DMBT1: variants seen among roughly 807,000 people sequenced by gnomAD.
DMBT1 encodes the protein deleted in malignant brain tumors 1.
DMBT1 carries 198 observed loss-of-function variants against 252.9 expected under a neutral mutation model. The ratio of observed to expected loss-of-function variants is 0.78; its 90% confidence interval spans 0.70 to 0.88. The LOEUF is 0.88. Ranked by LOEUF, DMBT1 falls within the 40% of genes least tolerant of loss-of-function variation. The probability of loss-of-function intolerance (pLI) is 0.00; values close to 1 mark genes in which losing one functional copy is unlikely to be tolerated. For missense variants in DMBT1, 2,432 were observed against 2,404.7 expected (o/e 1.01, Z -0.24); for synonymous variants, 990 against 942.7 (o/e 1.05, Z -0.92).
Position 122,621,348 on chromosome 10 carries a change from G to A in DMBT1, c.5576G>A (p.Gly1859Asp). 2 of 1,613,842 alleles carry A rather than the reference G, an allele frequency of 1.2e-6. No individual in the cohort carries two copies. The highest frequency in any genetic ancestry group is 1.7e-5 in the Admixed American group (1 of 60,020). ...PHKGWLTHNCGHHEDAGVICS... is the reference protein window; with the variant it reads ...PHKGWLTHNCDHHEDAGVICS... Reference sequence around the variant, plus strand: ...AAAGGCTGGCTCACCCACAACTGTGGCCATCACGAAGACGCTGGTGTCATC... The same window carrying A: ...AAAGGCTGGCTCACCCACAACTGTGACCATCACGAAGACGCTGGTGTCATC... The change falls in exon 44 of 56, where the codon GGC becomes GAC. Residue 1859 changes from glycine to aspartate, a missense_variant. Physicochemically the swap from Gly to Asp is moderately conservative, Grantham distance 94. This residue lies in a region of DMBT1 where 1,162 missense variants were observed against 1,169.0 expected (regional missense o/e 0.99). Transcript: ENST00000338354.
intron 2 of DMBT1, among the ~76,000 whole-genome samples, chr10:122,566,358 C>G (rs1431509845): frequency 7.4e-6 from 1 of 135,840 alleles, no homozygotes; most frequent in East Asian, 2.1e-4. Flanking sequence ...TGTCACCAGA[C>G]TGGAGTGCAG....
chr10:122,575,525 G>C (rs1397890471), intron 6 of DMBT1, among the ~76,000 whole-genome samples: 2 of 152,002 alleles, frequency 1.3e-5, no homozygotes, highest in African/African-American at 4.8e-5. Flanking sequence ...GTTTTTTTTG[G>C]GGGGGTGTGG....
Position 122,618,206 on chromosome 10 carries a change from G to T in DMBT1, c.5081G>T (p.Gly1694Val), listed in dbSNP as rs377104506. 56 of 1,613,740 alleles carry T rather than the reference G, an allele frequency of 3.5e-5. No individual in the cohort carries two copies. Among genetic ancestry groups the T allele is most frequent in the Non-Finnish European group, 4.4e-5 (52 of 1,179,824 alleles). Residue 1694 changes from glycine to valine, a missense_variant, in exon 41 of 56, where the codon GGC becomes GTC. Gly to Val is a moderately radical substitution (Grantham distance 109, BLOSUM62 -3). Coordinates refer to ENST00000338354, the MANE Select transcript of DMBT1 (RefSeq NM_001377530.1). ...TCAGCCCCAGGAAATGCCCAGTTTG[G>T]CCAGGGCTCAGGACCCATTGTCCTG... Reference protein sequence around the residue: ...AMSAPGNAQFGQGSGPIVLDD... With the variant: ...AMSAPGNAQFVQGSGPIVLDD...
At chr10:122,580,323 G>A (rs188841594) in intron 10 of DMBT1, among the ~76,000 whole-genome samples, 126 of 152,352 alleles carry the variant, frequency 8.3e-4, no homozygotes, top group African/African-American at 2.9e-3. Context: ...ACCCAGTGAG[G>A]AGGTCTGGAA....
intron 42 of DMBT1, among the ~76,000 whole-genome samples, chr10:122,619,678 C>T (rs2098042661): frequency 6.6e-6 from 1 of 152,170 alleles, no homozygotes; most frequent in South Asian, 2.1e-4. Context: ...GAGTGACTGC[C>T]AAAGTCACCT....
intron 1 of DMBT1, among the ~76,000 whole-genome samples, chr10:122,565,598 G>C (rs1169058126): frequency 1.2e-5 from 1 of 81,732 alleles, no homozygotes; most frequent in Non-Finnish European, 2.8e-5. Flanking sequence ...GGTCATCTGA[G>C]TGGCTGTTGT....
At position 122,573,781 on chromosome 10, in the gene DMBT1, G is replaced by GA. The variant is rs1565590059; in HGVS notation, c.283+20dup. Reference sequence around the variant, plus strand: ...GCAGAAGGTAACGTCTACTATGGGGGATCCCTGTAGGCTCATTACCCCCCT... The same window carrying GA: ...GCAGAAGGTAACGTCTACTATGGGGGAATCCCTGTAGGCTCATTACCCCCCT... On this transcript the variant is annotated intron_variant, in intron 6 of 55. Coordinates refer to ENST00000338354, the MANE Select transcript of DMBT1 (RefSeq NM_001377530.1). 1.1e-5 allele frequency: 17 copies of GA among 1,611,790 alleles called. No homozygotes were observed. The highest frequency in any genetic ancestry group is 9.9e-5 in the South Asian group (9 of 91,028).
In DMBT1 at chr10:122,643,408, C is replaced by G. The variant is rs139473568; in HGVS notation, c.*10C>G. 1,399 of 1,607,102 alleles carry G rather than the reference C, an allele frequency of 8.7e-4. 15 individuals are homozygous for G. In the African/African-American group the frequency reaches 0.015, roughly 18 times the overall value. On this transcript the variant is annotated 3_prime_UTR_variant, in exon 56 of 56. Coordinates refer to ENST00000338354, the MANE Select transcript of DMBT1 (RefSeq NM_001377530.1). ...AGAGGAGCCTCGGTAGGTGGTCGCT[C>G]TCAGACCCCACTGTCCACCGGGGCG...
Position 122,626,046 on chromosome 10 carries a change from G to A in DMBT1, c.5668+81G>A. 3 of 1,176,774 alleles carry A rather than the reference G, an allele frequency of 2.5e-6. No individual in the cohort carries two copies. In the South Asian group the frequency reaches 3.6e-5, roughly 14 times the overall value. The allele number at this position is 1,176,774 out of a possible 1,614,324, so 72.9% of individuals were successfully genotyped here. On this transcript the variant is annotated intron_variant, in intron 46 of 55. Coordinates refer to ENST00000338354, the MANE Select transcript of DMBT1 (RefSeq NM_001377530.1). ...TTGGCTATCCATGAGCGAATGCTCT[G>A]CCCCACCCCAGCCTTCCTCAATCTG...
At chr10:122,571,317 A>T (rs1354907718) in intron 4 of DMBT1, among the ~76,000 whole-genome samples, 1 of 152,114 alleles carries the variant, frequency 6.6e-6, no homozygotes, top group East Asian at 1.9e-4. Context: ...CTGCTGATGG[A>T]ATCACCTTGT....
At chr10:122,632,839 G>A (rs1311643689) in intron 50 of DMBT1, 22 bp from the exon 51 acceptor site, 3 of 1,613,058 alleles carry the variant, frequency 1.9e-6, no homozygotes, top group Non-Finnish European at 2.5e-6. Context: ...AACTGATCCT[G>A]ATCTTTTCTT....
chr10:122,622,675 T>C (rs1336399939), intron 44 of DMBT1, among the ~76,000 whole-genome samples: 1 of 152,184 alleles, frequency 6.6e-6, no homozygotes, highest in Non-Finnish European at 1.5e-5. Context: ...ACAGGTGCTT[T>C]CTTCCAAACC....
At chr10:122,568,640 G>A (rs571168260) in intron 2 of DMBT1, among the ~76,000 whole-genome samples, 56 of 152,296 alleles carry the variant, frequency 3.7e-4, no homozygotes, top group Non-Finnish European at 5.3e-4. Flanking sequence ...TGTCAGGGCC[G>A]GGTGGAGGTC....
chr10:122,635,210 A>G (rs1045056206), intron 52 of DMBT1, among the ~76,000 whole-genome samples: 13 of 152,328 alleles, frequency 8.5e-5, no homozygotes, highest in Middle Eastern at 3.4e-3. Flanking sequence ...TTCAGTGTGC[A>G]TGGATCAGAT....
chr10:122,631,228 G>A lies in DMBT1; in HGVS notation c.6293G>A (p.Gly2098Asp). Residue 2098 changes from glycine (G) to aspartate (D), a missense_variant, in exon 49 of 56, where the codon GGC (glycine) becomes GAC (aspartate). Transcript: ENST00000338354. ...ESTLWQCRNR[G>D]WFSHNCNHRE... ...ACTCTCTGGCAGTGCCGGAACCGAGGCTGGTTCTCCCACAACTGTAATCAT... is the reference window on the plus strand; with the variant it reads ...ACTCTCTGGCAGTGCCGGAACCGAGACTGGTTCTCCCACAACTGTAATCAT... 2 of 1,614,010 alleles carry A rather than the reference G, an allele frequency of 1.2e-6. No homozygotes were observed. The highest frequency in any genetic ancestry group is 1.7e-6 in the Non-Finnish European group (2 of 1,179,906).
intron 48 of DMBT1, 102 bp downstream of exon 48, chr10:122,630,592 C>A: frequency 8.4e-7 from 1 of 1,197,324 alleles, no homozygotes; most frequent in Non-Finnish European, 1.2e-6. Flanking sequence ...AGGGCCTCAG[C>A]GATGCACGGC....
chr10:122,634,413 C>CCTT (rs2098199384), intron 52 of DMBT1, among the ~76,000 whole-genome samples: 1 of 71,808 alleles, frequency 1.4e-5, no homozygotes, highest in Non-Finnish European at 2.6e-5. Context: ...TTCTTTCTTT[C>CCTT]TCTCTCTCTC....
At chr10:122,591,192 G>A (rs1457249739) in intron 18 of DMBT1, among the ~76,000 whole-genome samples, 1 of 148,830 alleles carries the variant, frequency 6.7e-6, no homozygotes, top group African/African-American at 2.4e-5. Flanking sequence ...GGTGTCAGAT[G>A]TGCCCATCAG....
At chr10:122,630,200 T>C (rs2098150372) in intron 47 of DMBT1, 88 bp from the exon 48 acceptor site, 3 of 1,418,476 alleles carry the variant, frequency 2.1e-6, no homozygotes, top group South Asian at 2.4e-5. Context: ...CTGTATTCAA[T>C]GGCATCCCTC....
Sources: gnomAD v4.1 joint callset for allele counts (sites outside exome capture counted in the v4.1 genomes callset) on GRCh38, gnomAD v4.1.1 for gene constraint, gnomAD v4.1.1 regional missense constraint, MANE v1.5 for transcripts, NCBI Gene and HGNC (gene_info 2026-07-23, HGNC 2026-07-21) for gene names.